The following PSD3 variants were observed in gnomAD, a reference collection of about 807,000 sequenced individuals.
PSD3 encodes the protein pleckstrin and Sec7 domain containing 3.
A neutral mutation model predicts 105.5 loss-of-function variants in PSD3; 49 were observed. The ratio of observed to expected loss-of-function variants is 0.46; its 90% CI spans 0.37 to 0.59. The LOEUF is 0.59. Among genes scored for constraint, PSD3 ranks in the 20% least tolerant of loss-of-function variants. PSD3 has a pLI of 0.00. For missense variants in PSD3, 1,561 were observed against 1,263.8 expected (o/e 1.24, Z -3.57); for synonymous variants, 557 against 457.8 (o/e 1.22, Z -2.77).
chr8:19,029,040 A>G (rs980775626), intron 1 of PSD3, among the ~76,000 whole-genome samples: 4 of 152,220 alleles, frequency 2.6e-5, no homozygotes, highest in Admixed American at 6.5e-5. Flanking sequence ...TATACTTACA[A>G]TAATGCAAAG....
At position 18,572,617 on chromosome 8, in the gene PSD3, A is replaced by G; in HGVS notation, c.2695T>C (p.Phe899Leu). Residue 899 changes from phenylalanine (F) to leucine (L), a missense_variant, in exon 14 of 16, where the codon TTT (phenylalanine) becomes CTT (leucine). Phe to Leu is a conservative substitution (Grantham distance 22, BLOSUM62 0). Coordinates refer to ENST00000327040, the MANE Select transcript of PSD3 (RefSeq NM_015310.4). ...GCTGCTGGAAATGGTGGTGCAGAAA[A>G]TACAGCTGCCACACAATTGATTTTG... ...INKINCVAAV[F>L]SAPPFPAAIG... 6.2e-7 allele frequency: 1 copy of G among 1,614,084 alleles called. No individual in the cohort carries two copies. The highest frequency in any genetic ancestry group is 8.5e-7 in the Non-Finnish European group (1 of 1,179,958).
chr8:18,558,988 C>G (rs1801239706), intron 14 of PSD3, among the ~76,000 whole-genome samples: 1 of 152,094 alleles, frequency 6.6e-6, no homozygotes, highest in Admixed American at 6.5e-5. Context: ...CATAGTACCC[C>G]ACTGCAGGAC....
intron 1 of PSD3, among the ~76,000 whole-genome samples, chr8:18,996,713 T>A (rs1378740205): frequency 6.6e-6 from 1 of 151,906 alleles, no homozygotes; most frequent in East Asian, 1.9e-4. Flanking sequence ...GCAGCTACAT[T>A]TCTCACATTC....
intron 10 of PSD3, among the ~76,000 whole-genome samples, chr8:18,644,131 T>C (rs1334124350): frequency 1.3e-5 from 2 of 152,224 alleles, no homozygotes; most frequent in African/African-American, 2.4e-5. Flanking sequence ...CATTCTCCCA[T>C]TGTCTTGATC....
chr8:18,787,224 T>G (rs1259012728), intron 8 of PSD3, among the ~76,000 whole-genome samples: 3 of 152,336 alleles, frequency 2.0e-5, no homozygotes, highest in African/African-American at 7.2e-5. Flanking sequence ...AGTTCTGCTC[T>G]GAAACAAATG....
intron 10 of PSD3, among the ~76,000 whole-genome samples, chr8:18,638,404 C>G (rs1807423411): frequency 6.6e-6 from 1 of 151,474 alleles, no homozygotes; most frequent in African/African-American, 2.4e-5. Flanking sequence ...AACTACCCCT[C>G]CCTGACAACT....
chr8:18,951,201 C>A (rs1012801390), intron 1 of PSD3, among the ~76,000 whole-genome samples: 1 of 152,086 alleles, frequency 6.6e-6, no homozygotes, highest in Non-Finnish European at 1.5e-5. Context: ...TCAAGACCAG[C>A]CTGGGCAACA....
At chr8:19,036,021 CTGGGA>C (rs1266870524) in intron 1 of PSD3, among the ~76,000 whole-genome samples, 59 of 152,098 alleles carry the variant, frequency 3.9e-4, no homozygotes, top group Non-Finnish European at 5.9e-5. Flanking sequence ...TCCCAAAGTG[CTGGGA>C]TTACAAGCAT....
chr8:18,899,213 T>C (rs1219785932), intron 2 of PSD3, among the ~76,000 whole-genome samples: 1 of 152,196 alleles, frequency 6.6e-6, no homozygotes, highest in East Asian at 1.9e-4. Flanking sequence ...TTCTCTGGTG[T>C]GATACCTATT....
At chr8:19,053,930 G>T (rs1320276383) in intron 1 of PSD3, among the ~76,000 whole-genome samples, 2 of 152,220 alleles carry the variant, frequency 1.3e-5, no homozygotes, top group Non-Finnish European at 2.9e-5. Context: ...CAGTCTTGGA[G>T]TTACAAGACT....
intron 9 of PSD3, among the ~76,000 whole-genome samples, chr8:18,731,674 G>A (rs545958693): frequency 1.3e-5 from 2 of 152,148 alleles, no homozygotes; most frequent in Non-Finnish European, 2.9e-5. Flanking sequence ...CCAGGACTCA[G>A]AACAGTCATG....
intron 1 of PSD3, among the ~76,000 whole-genome samples, chr8:19,046,874 A>G (rs1190473866): frequency 1.3e-5 from 2 of 152,210 alleles, no homozygotes; most frequent in African/African-American, 4.8e-5. Context: ...AAGGCCTTAA[A>G]CTGGGTAGTG....
intron 2 of PSD3, among the ~76,000 whole-genome samples, chr8:18,893,704 A>G (rs974865461): frequency 6.6e-6 from 1 of 152,038 alleles, no homozygotes; most frequent in Non-Finnish European, 1.5e-5. Flanking sequence ...GCAGGATCAG[A>G]ACTCCAGGCC....
intron 9 of PSD3, among the ~76,000 whole-genome samples, chr8:18,736,930 C>G (rs2129433165): frequency 6.6e-6 from 1 of 152,250 alleles, no homozygotes; most frequent in East Asian, 1.9e-4. Context: ...AAACAAAATG[C>G]TGCTTTTCAA....
chr8:18,631,733 T>G (rs544676901), intron 11 of PSD3, among the ~76,000 whole-genome samples: 2 of 151,956 alleles, frequency 1.3e-5, no homozygotes, highest in Non-Finnish European at 2.9e-5. Context: ...TTGGGAACAT[T>G]AAGAAATTTG....
chr8:18,892,953 G>T (rs1323726848), intron 2 of PSD3, among the ~76,000 whole-genome samples: 1 of 152,060 alleles, frequency 6.6e-6, no homozygotes, highest in Non-Finnish European at 1.5e-5. Context: ...CTGACAACTG[G>T]ATAATATGAT....
At chr8:18,650,912 G>T (rs950568760) in intron 10 of PSD3, among the ~76,000 whole-genome samples, 2 of 152,138 alleles carry the variant, frequency 1.3e-5, no homozygotes, top group African/African-American at 4.8e-5. Context: ...GCATGGTGGT[G>T]CCATAGGAGG....
chr8:18,941,665 CTT>C (rs869259596), intron 1 of PSD3, among the ~76,000 whole-genome samples: 4,341 of 107,386 alleles, frequency 0.04, 36 homozygotes, highest in South Asian at 0.062. Flanking sequence ...TGTAGAATGA[CTT>C]TTTTTTTTTT....
chr8:18,530,607 A>G lies in PSD3; in HGVS notation c.*5136T>C, dbSNP rs1313496550. On this transcript the variant is annotated 3_prime_UTR_variant, in exon 16 of 16. Transcript: ENST00000327040. ...AAGAACGTGTGCTTTAAAGCATCAC[A>G]TTTTGTAATAAGCCCAAAATTGTCA... 1 of 152,518 alleles carries G rather than the reference A, an allele frequency of 6.6e-6. No individual in the cohort carries two copies. Among genetic ancestry groups the G allele is most frequent in the Non-Finnish European group, 1.5e-5 (1 of 68,020 alleles). 9.4% of individuals were successfully genotyped at this position (152,518 alleles called of 1,614,324 possible).
Sources: allele counts gnomAD v4.1 joint callset (sites outside exome capture counted in the v4.1 genomes callset), GRCh38; gene constraint gnomAD v4.1.1; transcripts MANE v1.5; gene names NCBI Gene and HGNC (gene_info 2026-07-23, HGNC 2026-07-21).